Variants in CRLF2 observed in about 807,000 individuals in gnomAD.
The protein encoded by CRLF2 is cytokine receptor-like factor 2.
CRLF2 carries 41 observed loss-of-function variants against 38.7 expected under a neutral mutation model. The ratio of observed to expected loss-of-function variants is 1.06; its 90% CI spans 0.83 to 1.37. The LOEUF (loss-of-function observed/expected upper bound fraction) is 1.37. Ranked by LOEUF, CRLF2 falls within the 40% of genes most tolerant of loss-of-function variation. CRLF2 has a pLI of 0.00. For missense variants in CRLF2, 377 were observed against 322.2 expected, an observed-to-expected ratio of 1.17 and a Z score of -1.30; for synonymous variants, 140 against 128.8, an observed-to-expected ratio of 1.09 and a Z score of -0.59.
At chrX:1,196,357 T>C (rs2086475063) in intron 6 of CRLF2, among the ~76,000 whole-genome samples, 2 of 151,814 alleles carry the variant, frequency 1.3e-5, no homozygotes, top group African/African-American at 2.4e-5. Context: ...CCGGCTACTT[T>C]TTGTATTTTT....
At chrX:1,203,038 C>T (rs1192521905) in intron 3 of CRLF2, among the ~76,000 whole-genome samples, 1 of 122,280 alleles carries the variant, frequency 8.2e-6, no homozygotes, top group Admixed American at 1.1e-4. Flanking sequence ...GCGGAGGTTG[C>T]GGTGAGCCGA....
At chrX:1,208,056 G>A (rs746258357) in intron 2 of CRLF2, among the ~76,000 whole-genome samples, 3 of 152,226 alleles carry the variant, frequency 2.0e-5, no homozygotes, top group East Asian at 1.9e-4. Context: ...ATGTTCGTAC[G>A]CATACTTCTG....
At chrX:1,198,829 G>C (rs2086549692) in intron 4 of CRLF2, 105 bp from the exon 5 acceptor site, 1 of 1,150,734 alleles carries the variant, frequency 8.7e-7, no homozygotes, top group Non-Finnish European at 1.3e-6. Context: ...CCTTCCGGAG[G>C]GTTCACAGTC....
At chrX:1,196,644 C>G in intron 6 of CRLF2, 136 bp downstream of exon 6, 2 of 1,138,368 alleles carry the variant, frequency 1.8e-6, no homozygotes, top group South Asian at 1.8e-5. Flanking sequence ...TTATAATCCA[C>G]CATCAGAAGA....
At chrX:1,191,371 TC>T (rs1262945193) in intron 7 of CRLF2, among the ~76,000 whole-genome samples, 1 of 61,568 alleles carries the variant, frequency 1.6e-5, no homozygotes, top group African/African-American at 4.9e-5. Context: ...CCTTTCTTTC[TC>T]TTTCTTTCTT....
intron 3 of CRLF2, among the ~76,000 whole-genome samples, chrX:1,205,047 G>A (rs767282437): frequency 2.0e-5 from 3 of 152,004 alleles, no homozygotes; most frequent in South Asian, 2.1e-4. Context: ...GGCTGGTCTC[G>A]AACTCCAGAC....
At chrX:1,204,100 G>GAGA (rs1556422057) in intron 3 of CRLF2, among the ~76,000 whole-genome samples, 3 of 29,194 alleles carry the variant, frequency 1.0e-4, no homozygotes, top group African/African-American at 2.3e-4. Context: ...AAAAAAAAGA[G>GAGA]AGAACATCCA....
At chrX:1,201,640 G>A (rs1223848972) in intron 4 of CRLF2, among the ~76,000 whole-genome samples, 1 of 143,626 alleles carries the variant, frequency 7.0e-6, no homozygotes, top group African/African-American at 2.7e-5. Context: ...GAGATAAATA[G>A]ATGATACATT....
At chrX:1,196,743 G>T in intron 6 of CRLF2, 37 bp downstream of exon 6, 1 of 1,606,204 alleles carries the variant, frequency 6.2e-7, no homozygotes, top group Non-Finnish European at 8.5e-7. Flanking sequence ...TGTGCAAGCA[G>T]GTCCCTCCAC....
At position 1,202,521 on chromosome X, in the gene CRLF2, G is replaced by A. The variant is rs2086626676; in HGVS notation, c.364C>T (p.Pro122Ser). The A allele has an allele frequency of 6.2e-7, 1 of 1,613,706 alleles. No homozygotes were observed. Among genetic ancestry groups the A allele is most frequent in the Non-Finnish European group, 8.5e-7 (1 of 1,179,692 alleles). The stretch of plus-strand genomic sequence containing the variant: ...TGCCACGAAAATCTCACGTGCTTCG[G>A]GGAACTGGGTTTCACTGAGAAGAAG... ...WMVYYLKPSS[P>S]KHVRFSWHQD... Residue 122 changes from proline (P) to serine (S), a missense_variant, in exon 4 of 8, where the codon CCG (proline) becomes TCG (serine). Transcript: ENST00000400841.
At chrX:1,202,981 C>T (rs2086634648) in intron 3 of CRLF2, among the ~76,000 whole-genome samples, 1 of 151,130 alleles carries the variant, frequency 6.6e-6, no homozygotes, top group African/African-American at 2.4e-5. Flanking sequence ...GCTTGTAATC[C>T]CAGCTATTAG....
intron 6 of CRLF2, among the ~76,000 whole-genome samples, chrX:1,195,717 ACAGG>A (rs2086461248): frequency 1.4e-5 from 2 of 146,526 alleles, no homozygotes; most frequent in South Asian, 4.2e-4. Context: ...AGCTGGGACT[ACAGG>A]TGCTAATTTT....
intron 5 of CRLF2, 88 bp from the exon 6 acceptor site, chrX:1,196,988 C>T: frequency 2.7e-6 from 3 of 1,106,360 alleles, no homozygotes; most frequent in Non-Finnish European, 3.7e-6. Context: ...CATCCCTAAC[C>T]AGTCTCCCTC....
chrX:1,211,730 T>C (rs1346359449), intron 1 of CRLF2, among the ~76,000 whole-genome samples: 1 of 84,128 alleles, frequency 1.2e-5, no homozygotes, highest in Non-Finnish European at 2.3e-5. Context: ...GGTGGATGGA[T>C]GGATGGATGG....
chrX:1,209,728 T>C (rs1316199293), intron 1 of CRLF2, among the ~76,000 whole-genome samples: 1 of 152,138 alleles, frequency 6.6e-6, no homozygotes, highest in African/African-American at 2.4e-5. Context: ...ACACATCCCC[T>C]GTGGATACCT....
At chrX:1,196,992 C>G (rs1388673587) in intron 5 of CRLF2, 92 bp from the exon 6 acceptor site, 2 of 1,028,470 alleles carry the variant, frequency 1.9e-6, no homozygotes, top group Admixed American at 3.1e-5. Flanking sequence ...CCTAACCAGT[C>G]TCCCTCATTT....
At chrX:1,191,331 TTC>T (rs1491200591) in intron 7 of CRLF2, among the ~76,000 whole-genome samples, 171 bp from the exon 8 acceptor site, 4 of 119,038 alleles carry the variant, frequency 3.4e-5, no homozygotes, top group African/African-American at 1.2e-4. Context: ...CTTTCTTTCT[TTC>T]TTTCTTTCTT....
chrX:1,205,476 C>T (rs1419363167), intron 3 of CRLF2, among the ~76,000 whole-genome samples: 6 of 150,972 alleles, frequency 4.0e-5, no homozygotes, highest in African/African-American at 1.2e-4. Flanking sequence ...GCATGCTGAG[C>T]TTGCTTTTCA....
At chrX:1,196,696 A>G in intron 6 of CRLF2, 84 bp downstream of exon 6, 2 of 1,531,250 alleles carry the variant, frequency 1.3e-6, no homozygotes, top group African/African-American at 2.8e-5. Context: ...AAATGACTCT[A>G]TCAGGCGATT....
Sources: allele counts gnomAD v4.1 joint callset (sites outside exome capture counted in the v4.1 genomes callset), GRCh38; gene constraint gnomAD v4.1.1; transcripts MANE v1.5; gene names NCBI Gene and HGNC (gene_info 2026-07-23, HGNC 2026-07-21).